The following RNGTT variants were observed in gnomAD, a reference collection of about 807,000 sequenced individuals.
RNGTT encodes the protein RNA guanylyltransferase and 5'-phosphatase.
In RNGTT, 33 loss-of-function variants were observed where a neutral mutation model predicts 79.3. The ratio of observed to expected loss-of-function variants is 0.42; its 90% CI spans 0.32 to 0.56. The LOEUF is 0.56. Among genes scored for constraint, RNGTT ranks in the 20% least tolerant of loss-of-function variants. RNGTT has a pLI of 0.17. For synonymous variants in RNGTT, 222 were observed against 235.9 expected (o/e 0.94, Z 0.54); for missense variants, 497 against 739.1 (o/e 0.67, Z 3.80).
At chr6:88,619,962 C>G (rs1017114977) in intron 14 of RNGTT, among the ~76,000 whole-genome samples, 1 of 152,148 alleles carries the variant, frequency 6.6e-6, no homozygotes, top group Non-Finnish European at 1.5e-5. Flanking sequence ...GAACTACTAC[C>G]TTATAGCAGG....
intron 14 of RNGTT, among the ~76,000 whole-genome samples, chr6:88,636,871 T>C (rs1191248043): frequency 6.6e-6 from 1 of 151,838 alleles, no homozygotes. Context: ...TCTTGCTACA[T>C]TACTGAGAAA....
intron 11 of RNGTT, among the ~76,000 whole-genome samples, chr6:88,834,376 C>T (rs903408416): frequency 2.6e-5 from 4 of 152,128 alleles, no homozygotes; most frequent in African/African-American, 7.2e-5. Context: ...TTGAAAGGAT[C>T]CATCAGGCCA....
intron 8 of RNGTT, among the ~76,000 whole-genome samples, chr6:88,887,302 G>A (rs1400312489): frequency 6.6e-6 from 1 of 152,062 alleles, no homozygotes; most frequent in Non-Finnish European, 1.5e-5. Context: ...AACGACGATG[G>A]AGTCCAGGAC....
At chr6:88,896,684 T>C (rs1783260435) in intron 6 of RNGTT, among the ~76,000 whole-genome samples, 1 of 152,312 alleles carries the variant, frequency 6.6e-6, no homozygotes, top group East Asian at 1.9e-4. Flanking sequence ...CATGAATAAG[T>C]ACCCTTAATA....
chr6:88,863,480 T>C (rs1043628989), intron 8 of RNGTT, among the ~76,000 whole-genome samples: 1 of 152,172 alleles, frequency 6.6e-6, no homozygotes, highest in Non-Finnish European at 1.5e-5. Flanking sequence ...TTTGAAGACG[T>C]AGAGATACCT....
Position 88,644,233 on chromosome 6 carries a change from A to G in RNGTT, c.1507-29838T>C, listed in dbSNP as rs573510813. On this transcript the variant is annotated intron_variant, in intron 14 of 15. Transcript: ENST00000369485. ...AAAATACTATAAATACCTCTATGAA[A>G]ATAAACTAGAAAATCTAGAAGAAAT... Among the ~76,000 whole-genome samples, 6 of 152,328 alleles carry G rather than the reference A, an allele frequency of 3.9e-5. No homozygotes were observed. The East Asian group carries it at 1.2e-3, about 29-fold the overall frequency.
chr6:88,856,731 T>C (rs1016609938), intron 8 of RNGTT, among the ~76,000 whole-genome samples: 2 of 152,138 alleles, frequency 1.3e-5, no homozygotes, highest in Admixed American at 1.3e-4. Context: ...GTTCTTTTGT[T>C]ATGCGATACT....
chr6:88,838,700 A>G (rs1219919067), intron 11 of RNGTT, among the ~76,000 whole-genome samples: 3 of 152,182 alleles, frequency 2.0e-5, no homozygotes, highest in Non-Finnish European at 4.4e-5. Context: ...ATTGACCTAT[A>G]TATTCATTAC....
chr6:88,958,863 C>A (rs1785519225), intron 1 of RNGTT, among the ~76,000 whole-genome samples: 1 of 152,092 alleles, frequency 6.6e-6, no homozygotes, highest in Non-Finnish European at 1.5e-5. Flanking sequence ...TGGGTATCTA[C>A]CCAGAAGAAA....
Position 88,782,354 on chromosome 6 carries a change from C to T in RNGTT, c.1339-12480G>A, listed in dbSNP as rs115357276. On this transcript the variant is annotated intron_variant, in intron 12 of 15. Transcript: ENST00000369485. Reference sequence around the variant, plus strand: ...AATATATACTAACTACCACATTGTACGGGGTGAATGGAAAGACAAAAAGGT... The same window carrying T: ...AATATATACTAACTACCACATTGTATGGGGTGAATGGAAAGACAAAAAGGT... Among the ~76,000 whole-genome samples the T allele has an allele frequency of 2.3e-3, 345 of 151,914 alleles. 5 individuals are homozygous for T. The highest frequency in any genetic ancestry group is 7.9e-3 in the African/African-American group (327 of 41,356).
intron 13 of RNGTT, among the ~76,000 whole-genome samples, chr6:88,721,490 C>T (rs1776710137): frequency 2.0e-5 from 3 of 151,916 alleles, no homozygotes; most frequent in Admixed American, 6.6e-5. Flanking sequence ...TTCTCATCAT[C>T]CCTTCTCTGT....
intron 11 of RNGTT, among the ~76,000 whole-genome samples, chr6:88,826,294 A>G (rs988588737): frequency 1.3e-5 from 2 of 152,316 alleles, no homozygotes; most frequent in African/African-American, 4.8e-5. Flanking sequence ...TACTAGAATC[A>G]TATCTGTGAT....
intron 1 of RNGTT, among the ~76,000 whole-genome samples, chr6:88,959,068 T>C (rs1785528488): frequency 6.6e-6 from 1 of 152,182 alleles, no homozygotes. Flanking sequence ...GCAACCTAGA[T>C]GGAGTTGGAC....
chr6:88,872,251 C>T (rs1467980570), intron 8 of RNGTT, among the ~76,000 whole-genome samples: 2 of 152,038 alleles, frequency 1.3e-5, no homozygotes, highest in East Asian at 1.9e-4. Flanking sequence ...GTTTTTCCTC[C>T]CCACTGGTAA....
intron 13 of RNGTT, among the ~76,000 whole-genome samples, chr6:88,751,498 T>C (rs1777837816): frequency 6.6e-6 from 1 of 152,106 alleles, no homozygotes; most frequent in Non-Finnish European, 1.5e-5. Flanking sequence ...TAAATGAAAA[T>C]ACAGTGTACT....
intron 14 of RNGTT, among the ~76,000 whole-genome samples, chr6:88,621,124 C>T (rs1375804829): frequency 6.6e-6 from 1 of 152,174 alleles, no homozygotes; most frequent in East Asian, 1.9e-4. Context: ...CATTTGCTAG[C>T]CTCTGGCCTA....
At chr6:88,762,967 A>C (rs1778319699) in intron 13 of RNGTT, among the ~76,000 whole-genome samples, 1 of 151,992 alleles carries the variant, frequency 6.6e-6, no homozygotes, top group South Asian at 2.1e-4. Context: ...TCTGTCACTC[A>C]GGCTGGAGTG....
At chr6:88,726,955 G>A (rs1410514827) in intron 13 of RNGTT, among the ~76,000 whole-genome samples, 1 of 150,336 alleles carries the variant, frequency 6.7e-6, no homozygotes, top group Non-Finnish European at 1.5e-5. Flanking sequence ...CATGAAGGAA[G>A]TTCACTTTGG....
chr6:88,844,301 G>T lies in RNGTT; in HGVS notation c.1269+56C>A. The T allele has an allele frequency of 2.7e-6, 4 of 1,477,148 alleles. No homozygotes were observed. In the East Asian group the frequency reaches 9.1e-5, roughly 34 times the overall value. 91.5% of individuals were successfully genotyped at this position (1,477,148 alleles called of 1,614,324 possible). A position where few individuals can be genotyped will look rare whatever the true frequency, so the allele number is the denominator to read the frequency against. On this transcript the variant is annotated intron_variant, in intron 11 of 15. Coordinates refer to ENST00000369485, the MANE Select transcript of RNGTT (RefSeq NM_003800.5). ...GCAAAATGTCATTCATATTCATCTTGTAAGCTGAATTATGAGACATTATTA... is the reference window on the plus strand; with the variant it reads ...GCAAAATGTCATTCATATTCATCTTTTAAGCTGAATTATGAGACATTATTA...
Sources: allele counts gnomAD v4.1 joint callset (sites outside exome capture counted in the v4.1 genomes callset), GRCh38; gene constraint gnomAD v4.1.1; transcripts MANE v1.5; gene names NCBI Gene and HGNC (gene_info 2026-07-23, HGNC 2026-07-21).